Variants in USP34 observed in about 807,000 individuals in gnomAD.
The protein encoded by USP34 is ubiquitin specific peptidase 34.
Under a neutral mutation model 460.3 loss-of-function variants are expected in USP34, and 70 were observed. The ratio of observed to expected loss-of-function variants is 0.15; its 90% CI spans 0.13 to 0.19. USP34 has a LOEUF of 0.19. Among genes scored for constraint, USP34 ranks in the 10% least tolerant of loss-of-function variants. The probability of loss-of-function intolerance (pLI) is 1.00; values close to 1 mark genes in which losing one functional copy is unlikely to be tolerated. For synonymous variants in USP34, 1,647 were observed against 1,405.3 expected (o/e 1.17, Z -3.85); for missense variants, 3,985 against 4,236.2 (o/e 0.94, Z 1.65).
At chr2:61,357,951 G>T (rs1343384655) in intron 10 of USP34, among the ~76,000 whole-genome samples, 1 of 152,118 alleles carries the variant, frequency 6.6e-6, no homozygotes, top group African/African-American at 2.4e-5. Flanking sequence ...AGCACTTTGG[G>T]AGGCCAAGGC....
chr2:61,403,428 T>C (rs1162762305), intron 3 of USP34, among the ~76,000 whole-genome samples: 1 of 152,186 alleles, frequency 6.6e-6, no homozygotes, highest in East Asian at 1.9e-4. Flanking sequence ...ATTTTCAGCA[T>C]CTTTCAGTTA....
At chr2:61,332,139 TCAGG>T (rs1691288557) in intron 19 of USP34, among the ~76,000 whole-genome samples, 2 of 152,062 alleles carry the variant, frequency 1.3e-5, no homozygotes, top group Non-Finnish European at 2.9e-5. Flanking sequence ...CAACACAGCT[TCAGG>T]CAAGTAAGCT....
intron 1 of USP34, among the ~76,000 whole-genome samples, chr2:61,432,671 A>G (rs1177067877): frequency 6.6e-6 from 1 of 152,160 alleles, no homozygotes; most frequent in East Asian, 1.9e-4. Context: ...CAGATAATAT[A>G]TAACACCTGG....
Position 61,222,682 on chromosome 2 carries a change from G to C in USP34, c.7750-19C>G. 6.2e-7 allele frequency: 1 copy of C among 1,607,966 alleles called. No homozygotes were observed. The highest frequency in any genetic ancestry group is 8.5e-7 in the Non-Finnish European group (1 of 1,176,644). ...ATACAATCTAAAACAGAAAGAGGAG[G>C]ATTTCAGGATATTCTTGTTTTGTTT... On this transcript the variant is annotated intron_variant, in intron 64 of 79. Transcript: ENST00000398571.
In USP34 at chr2:61,257,154, G is replaced by C. The variant is rs1044362839; in HGVS notation, c.5992-46C>G. 6 of 1,579,168 alleles carry C rather than the reference G, an allele frequency of 3.8e-6. No individual in the cohort carries two copies. In the African/African-American group the frequency reaches 6.9e-5, roughly 18 times the overall value. On this transcript the variant is annotated intron_variant, in intron 45 of 79. Coordinates refer to ENST00000398571, the MANE Select transcript of USP34 (RefSeq NM_014709.4). ...AAAATAAGAAACTAGTTAAAACGCAGGCAAATTTGTTCAAATTTCAAAGAA... is the reference window on the plus strand; with the variant it reads ...AAAATAAGAAACTAGTTAAAACGCACGCAAATTTGTTCAAATTTCAAAGAA...
intron 5 of USP34, among the ~76,000 whole-genome samples, chr2:61,389,618 T>C (rs180873033): frequency 6.6e-5 from 10 of 152,248 alleles, no homozygotes; most frequent in Admixed American, 6.5e-4. Flanking sequence ...GCAACAGAGG[T>C]ACAATTCAAA....
intron 1 of USP34, among the ~76,000 whole-genome samples, chr2:61,425,430 G>T (rs1034229190): frequency 1.3e-5 from 2 of 152,120 alleles, no homozygotes; most frequent in African/African-American, 4.8e-5. Context: ...CTGGTGCCTA[G>T]AGCCTCTCGG....
At chr2:61,201,777 T>TC (rs1686985054) in intron 75 of USP34, among the ~76,000 whole-genome samples, 1 of 152,236 alleles carries the variant, frequency 6.6e-6, no homozygotes, top group South Asian at 2.1e-4. Flanking sequence ...CTAGAATAGT[T>TC]CCTCACGTAA....
chr2:61,355,001 G>A (rs1231703943), intron 10 of USP34, among the ~76,000 whole-genome samples: 2 of 152,164 alleles, frequency 1.3e-5, no homozygotes, highest in Non-Finnish European at 2.9e-5. Flanking sequence ...TATCCCCCAT[G>A]AGGCACTTGT....
At chr2:61,414,029 G>A (rs930929443) in intron 2 of USP34, among the ~76,000 whole-genome samples, 12 of 152,018 alleles carry the variant, frequency 7.9e-5, no homozygotes, top group South Asian at 6.2e-4. Context: ...AGGCCAAGGC[G>A]GGTGGACTGC....
intron 69 of USP34, 103 bp downstream of exon 69, chr2:61,211,669 G>T: frequency 8.0e-7 from 1 of 1,251,516 alleles, no homozygotes; most frequent in Non-Finnish European, 1.1e-6. Context: ...GTGGCTACAT[G>T]CACAAATGCT....
At chr2:61,342,296 CTTTTTTTTT>C (rs34298126) in intron 16 of USP34, among the ~76,000 whole-genome samples, 4 of 95,076 alleles carry the variant, frequency 4.2e-5, no homozygotes, top group African/African-American at 8.7e-5. Context: ...TGGCCGTTTC[CTTTTTTTTT>C]TTTTTTTTTT....
intron 10 of USP34, among the ~76,000 whole-genome samples, chr2:61,362,775 T>C (rs538408153): frequency 1.3e-5 from 2 of 152,322 alleles, no homozygotes; most frequent in South Asian, 2.1e-4. Flanking sequence ...ATGGTAACCA[T>C]GTGAGGTAAT....
chr2:61,256,293 A>C, intron 48 of USP34, 91 bp downstream of exon 48: 1 of 1,189,476 alleles, frequency 8.4e-7, no homozygotes, highest in South Asian at 1.4e-5. Context: ...TTCATCATAT[A>C]ATTTCCACCA....
intron 2 of USP34, among the ~76,000 whole-genome samples, chr2:61,408,659 G>A (rs1390033630): frequency 1.3e-5 from 2 of 152,076 alleles, no homozygotes; most frequent in Non-Finnish European, 2.9e-5. Context: ...ACTTTGGGAG[G>A]CTGAGGCAAG....
Position 61,241,297 on chromosome 2 carries a change from C to T in USP34, c.6777+263G>A, listed in dbSNP as rs1355358213. Among the ~76,000 whole-genome samples the T allele has an allele frequency of 3.9e-5, 6 of 152,162 alleles. No individual in the cohort carries two copies. In the East Asian group the frequency reaches 9.7e-4, roughly 25 times the overall value. On this transcript the variant is annotated intron_variant, in intron 53 of 79. Transcript: ENST00000398571. ...GACCTCGTGATCTACCCACCTCGGC[C>T]TCCCAAAGTGCTGAGATTACAGGCA...
intron 6 of USP34, among the ~76,000 whole-genome samples, chr2:61,382,124 C>T (rs928485190): frequency 3.3e-5 from 5 of 152,078 alleles, no homozygotes; most frequent in African/African-American, 1.2e-4. Context: ...ATATATAAAC[C>T]TTTCAATTGG....
intron 33 of USP34, among the ~76,000 whole-genome samples, chr2:61,290,379 T>C (rs1010054588): frequency 6.6e-6 from 1 of 152,176 alleles, no homozygotes; most frequent in African/African-American, 2.4e-5. Context: ...CCAAATGACC[T>C]GTATGTGAAT....
chr2:61,230,465 A>G (rs1022745629), intron 58 of USP34, among the ~76,000 whole-genome samples: 16 of 152,176 alleles, frequency 1.1e-4, no homozygotes, highest in Non-Finnish European at 1.0e-4. Context: ...TGGCGGTTGC[A>G]GTGAGACGTG....
Sources: gnomAD v4.1 joint callset for allele counts (sites outside exome capture counted in the v4.1 genomes callset) on GRCh38, gnomAD v4.1.1 for gene constraint, MANE v1.5 for transcripts, NCBI Gene and HGNC (gene_info 2026-07-23, HGNC 2026-07-21) for gene names.